PDE5A: variants seen among roughly 807,000 people sequenced by gnomAD.
PDE5A encodes phosphodiesterase 5A.
Under a neutral mutation model 110.2 loss-of-function variants are expected in PDE5A, and 67 were observed. That is an observed-to-expected ratio of 0.61 (90% confidence interval 0.50 to 0.75). PDE5A has a LOEUF of 0.75. PDE5A is among the 30% of genes least tolerant of loss of function. The probability of loss-of-function intolerance (pLI) is 0.00; values close to 1 mark genes in which losing one functional copy is unlikely to be tolerated. For synonymous variants in PDE5A, 328 were observed against 351.2 expected, an observed-to-expected ratio of 0.93 and a Z score of 0.74; for missense variants, 862 against 1,045.1, an observed-to-expected ratio of 0.82 and a Z score of 2.42.
At chr4:119,600,012 T>G (rs192960079) in intron 2 of PDE5A, among the ~76,000 whole-genome samples, 9 of 152,226 alleles carry the variant, frequency 5.9e-5, no homozygotes, top group Non-Finnish European at 1.3e-4. Flanking sequence ...ATCTATCCAG[T>G]GAAAATATCC....
intron 3 of PDE5A, among the ~76,000 whole-genome samples, chr4:119,585,904 T>G (rs993289710): frequency 2.0e-4 from 30 of 152,176 alleles, no homozygotes; most frequent in African/African-American, 7.2e-4. Flanking sequence ...ACTGAGCAAC[T>G]TATGAAGAGC....
In PDE5A at chr4:119,569,473, C is replaced by A. The variant is rs144492086; in HGVS notation, c.832-2329G>T. 3.6e-3 allele frequency among the ~76,000 whole-genome samples: 548 copies of A among 151,640 alleles called. 3 individuals are homozygous for A. The highest frequency in any genetic ancestry group is 0.013 in the African/African-American group (534 of 41,326). On this transcript the variant is annotated intron_variant, in intron 3 of 20. Transcript: ENST00000354960. Reference sequence around the variant, plus strand: ...TACATGTAACAAAGTTTCACATATACCCTGTAAATTTGTACCAATAAATAA... The same window carrying A: ...TACATGTAACAAAGTTTCACATATAACCTGTAAATTTGTACCAATAAATAA...
chr4:119,510,499 A>G (rs1277253237), intron 15 of PDE5A, among the ~76,000 whole-genome samples: 1 of 152,100 alleles, frequency 6.6e-6, no homozygotes, highest in Non-Finnish European at 1.5e-5. Context: ...TCATTACACC[A>G]GCACAGCCAT....
chr4:119,627,416 G>T lies in PDE5A; in HGVS notation c.152+1104C>A. 1 of 489,240 alleles carries T rather than the reference G, an allele frequency of 2.0e-6. No individual in the cohort carries two copies. Among genetic ancestry groups the T allele is most frequent in the Non-Finnish European group, 2.7e-6 (1 of 376,126 alleles). 30.3% of individuals were successfully genotyped at this position (489,240 alleles called of 1,614,324 possible). A position where few individuals can be genotyped will look rare whatever the true frequency, so the allele number is the denominator to read the frequency against. Reference sequence around the variant, plus strand: ...CGCCGGCGAGTGGGACCCGGGCGTCGAACCCGGGCGGGCTCCTCGACCATC... The same window carrying T: ...CGCCGGCGAGTGGGACCCGGGCGTCTAACCCGGGCGGGCTCCTCGACCATC... On this transcript the variant is annotated intron_variant, in intron 1 of 20. Transcript: ENST00000354960. The surrounding 1 kb of genome is among the most constrained non-coding windows in gnomAD (Gnocchi z 4.6).
At chr4:119,501,531 T>G (rs1415873495) in intron 19 of PDE5A, among the ~76,000 whole-genome samples, 1 of 152,140 alleles carries the variant, frequency 6.6e-6, no homozygotes, top group African/African-American at 2.4e-5. Flanking sequence ...ACTCCTGACC[T>G]CAAGGGATCT....
Position 119,494,534 on chromosome 4 carries a change from C to T in PDE5A, c.*4067G>A, listed in dbSNP as rs1724994478. The T allele has an allele frequency of 6.6e-6, 1 of 152,476 alleles. No homozygotes were observed. The highest frequency in any genetic ancestry group is 1.5e-5 in the Non-Finnish European group (1 of 68,032). 9.4% of individuals were successfully genotyped at this position (152,476 alleles called of 1,614,324 possible). On this transcript the variant is annotated 3_prime_UTR_variant, in exon 21 of 21. Coordinates refer to ENST00000354960, the MANE Select transcript of PDE5A (RefSeq NM_001083.4). ...ATACAGGAATCGGAGGTAAGTGTTC[C>T]TTTAAAGTGATTTTGTCATGAAAGA...
intron 1 of PDE5A, among the ~76,000 whole-genome samples, chr4:119,616,249 A>C (rs1228871697): frequency 6.6e-6 from 1 of 152,138 alleles, no homozygotes; most frequent in African/African-American, 2.4e-5. Context: ...TGCATATTCC[A>C]CAGATGATAC....
intron 2 of PDE5A, among the ~76,000 whole-genome samples, chr4:119,599,093 A>G (rs1271225561): frequency 6.6e-5 from 10 of 152,148 alleles, no homozygotes; most frequent in Non-Finnish European, 1.5e-4. Flanking sequence ...GGACTATACC[A>G]TATAGTTGGG....
At chr4:119,572,136 C>T (rs1053737234) in intron 3 of PDE5A, among the ~76,000 whole-genome samples, 1 of 152,188 alleles carries the variant, frequency 6.6e-6, no homozygotes, top group African/African-American at 2.4e-5. Flanking sequence ...TCTGAAACTC[C>T]ATGTGGCAGT....
intron 12 of PDE5A, among the ~76,000 whole-genome samples, chr4:119,523,823 G>C (rs555684624): frequency 6.6e-6 from 1 of 152,138 alleles, no homozygotes; most frequent in Non-Finnish European, 1.5e-5. Flanking sequence ...ATCATTATTA[G>C]TTTCAAGAAT....
At position 119,627,944 on chromosome 4, in the gene PDE5A, C is replaced by T. The variant is rs1730419983; in HGVS notation, c.152+576G>A. 1 of 590,488 alleles carries T rather than the reference C, an allele frequency of 1.7e-6. No homozygotes were observed. The highest frequency in any genetic ancestry group is 2.1e-6 in the Non-Finnish European group (1 of 468,392). 36.6% of individuals were successfully genotyped at this position (590,488 alleles called of 1,614,324 possible). A position where few individuals can be genotyped will look rare whatever the true frequency, so the allele number is the denominator to read the frequency against. On this transcript the variant is annotated intron_variant, in intron 1 of 20. Transcript: ENST00000354960. This position sits in a 1 kb window ranked among gnomAD's most constrained non-coding sequence, Gnocchi z 4.6. ...CGGCGGAAAAGCGAGTGAAAGGAGGCGCGCGGGACAAGCAGGAGACTGGAA... is the reference window on the plus strand; with the variant it reads ...CGGCGGAAAAGCGAGTGAAAGGAGGTGCGCGGGACAAGCAGGAGACTGGAA...
intron 11 of PDE5A, among the ~76,000 whole-genome samples, chr4:119,529,304 G>T (rs1451031367): frequency 6.6e-6 from 1 of 152,070 alleles, no homozygotes; most frequent in Non-Finnish European, 1.5e-5. Flanking sequence ...TGTCTCAGCT[G>T]CATCAGGGAA....
intron 1 of PDE5A, among the ~76,000 whole-genome samples, chr4:119,626,845 C>G (rs1460809500): frequency 6.6e-6 from 1 of 152,138 alleles, no homozygotes; most frequent in Non-Finnish European, 1.5e-5. Flanking sequence ...AAAGATTAAT[C>G]CCGGAGCCTT....
At chr4:119,536,719 A>G (rs1726737420) in intron 11 of PDE5A, among the ~76,000 whole-genome samples, 1 of 152,156 alleles carries the variant, frequency 6.6e-6, no homozygotes, top group African/African-American at 2.4e-5. Flanking sequence ...GAAAATGTTT[A>G]CAAGTCCTCA....
intron 18 of PDE5A, among the ~76,000 whole-genome samples, chr4:119,504,184 G>A (rs1490411990): frequency 6.6e-6 from 1 of 152,002 alleles, no homozygotes; most frequent in African/African-American, 2.4e-5. Context: ...TCCCACTTAT[G>A]AGTGAGAATG....
At chr4:119,512,626 C>G (rs1386659447) in intron 14 of PDE5A, among the ~76,000 whole-genome samples, 1 of 151,886 alleles carries the variant, frequency 6.6e-6, no homozygotes, top group African/African-American at 2.4e-5. Flanking sequence ...GTAATGACTC[C>G]TGACTAGGAG....
At chr4:119,615,323 A>C (rs1294301847) in intron 1 of PDE5A, among the ~76,000 whole-genome samples, 1 of 152,130 alleles carries the variant, frequency 6.6e-6, no homozygotes, top group Non-Finnish European at 1.5e-5. Flanking sequence ...GCATTTCAAG[A>C]TCTCTTCAAC....
intron 3 of PDE5A, among the ~76,000 whole-genome samples, chr4:119,574,553 C>A (rs561923322): frequency 6.6e-6 from 1 of 152,046 alleles, no homozygotes; most frequent in African/African-American, 2.4e-5. Context: ...TACATACTAA[C>A]GCTTAGTCTT....
At chr4:119,578,368 C>G (rs1300187395) in intron 3 of PDE5A, among the ~76,000 whole-genome samples, 1 of 152,172 alleles carries the variant, frequency 6.6e-6, no homozygotes, top group Non-Finnish European at 1.5e-5. Flanking sequence ...AAAAAAGAGC[C>G]TGCATTGCGA....
Sources: allele counts gnomAD v4.1 joint callset (sites outside exome capture counted in the v4.1 genomes callset), GRCh38; gene constraint gnomAD v4.1.1; non-coding constraint Gnocchi (gnomAD v3.1); transcripts MANE v1.5; gene names NCBI Gene and HGNC (gene_info 2026-07-23, HGNC 2026-07-21).